RSF1: variants seen among roughly 807,000 people sequenced by gnomAD.
The protein encoded by RSF1 is HBV pX-associated protein 8.
RSF1 carries 13 observed loss-of-function variants against 145.2 expected under a neutral mutation model. That is an observed-to-expected ratio of 0.09 (90% CI 0.06 to 0.14). The LOEUF is 0.14. Ranked by LOEUF, RSF1 falls within the 10% of genes least tolerant of loss-of-function variation. RSF1 has a pLI of 1.00. For missense variants in RSF1, 1,517 were observed against 1,718.2 expected (o/e 0.88, Z 2.07); for synonymous variants, 577 against 592.6 (o/e 0.97, Z 0.38).
chr11:77,756,201 T>C (rs1380978870), intron 2 of RSF1, among the ~76,000 whole-genome samples: 1 of 151,634 alleles, frequency 6.6e-6, no homozygotes, highest in Non-Finnish European at 1.5e-5. Flanking sequence ...CAGCTAAAAA[T>C]ACAAAATTAG....
chr11:77,671,160 T>C (rs866248408), intron 15 of RSF1, among the ~76,000 whole-genome samples: 1 of 79,842 alleles, frequency 1.3e-5, no homozygotes, highest in Non-Finnish European at 2.1e-5. Flanking sequence ...TATATATATA[T>C]ATATATATAT....
chr11:77,796,587 G>C (rs1210004249), intron 1 of RSF1, among the ~76,000 whole-genome samples: 1 of 152,112 alleles, frequency 6.6e-6, no homozygotes, highest in Admixed American at 6.5e-5. Flanking sequence ...CATTCTCTTT[G>C]AAAACTGGCA....
chr11:77,815,609 C>T lies in RSF1; in HGVS notation c.187+4919G>A, dbSNP rs1489189274. 4.6e-5 allele frequency among the ~76,000 whole-genome samples: 7 copies of T among 152,086 alleles called. No homozygotes were observed. The South Asian group carries it at 8.3e-4, about 18-fold the overall frequency. ...GTTTACAACTGTAGACTAGAATGCACGGACTATTGCTCCACTTGATAAAAT... is the reference window on the plus strand; with the variant it reads ...GTTTACAACTGTAGACTAGAATGCATGGACTATTGCTCCACTTGATAAAAT... On this transcript the variant is annotated intron_variant, in intron 1 of 15. Coordinates refer to ENST00000308488, the MANE Select transcript of RSF1 (RefSeq NM_016578.4).
At chr11:77,783,840 T>G (rs1343677003) in intron 1 of RSF1, among the ~76,000 whole-genome samples, 1 of 151,004 alleles carries the variant, frequency 6.6e-6, no homozygotes, top group Non-Finnish European at 1.5e-5. Flanking sequence ...AGACCCGATT[T>G]CAAAAAAAAA....
At chr11:77,831,994 A>T in the RSF1 span, 32 of 150,132 alleles carry the variant, frequency 2.1e-4, 1 homozygote. Context: ...TACAGGCATG[A>T]GCCACCACGC....
the RSF1 span, among the ~76,000 whole-genome samples, chr11:77,856,737 C>A: frequency 9.2e-5 from 14 of 152,282 alleles, 1 homozygote; most frequent in Non-Finnish European, 1.5e-5. Flanking sequence ...AGATCTCACT[C>A]ACTATCATGA....
intron 14 of RSF1, 118 bp downstream of exon 14, chr11:77,674,917 TG>T: frequency 1.4e-6 from 1 of 736,394 alleles, no homozygotes. Context: ...GAGAATCGCT[TG>T]AACCCGGGAC....
the RSF1 span, chr11:77,872,224 G>A: frequency 1.5e-5 from 24 of 1,613,764 alleles, no homozygotes; most frequent in Middle Eastern, 1.7e-4. Context: ...ATTGATGTGC[G>A]GGTCCTCCAG....
chr11:77,835,044 C>T, the RSF1 span, among the ~76,000 whole-genome samples: 1 of 152,160 alleles, frequency 6.6e-6, no homozygotes, highest in African/African-American at 2.4e-5. Flanking sequence ...GAGACTAGTA[C>T]TTCCTTAATA....
chr11:77,701,586 T>C lies in RSF1; in HGVS notation c.1643A>G (p.Lys548Arg). The C allele has an allele frequency of 6.2e-7, 1 of 1,614,132 alleles. No homozygotes were observed. The highest frequency in any genetic ancestry group is 8.5e-7 in the Non-Finnish European group (1 of 1,180,012). The change falls in exon 6 of 16, where the codon AAA becomes AGA. Residue 548 changes from lysine (K) to arginine (R), a missense_variant. Around this residue, in one of 12 missense-constraint regions of RSF1, gnomAD observed 579 missense variants for 553.5 expected, o/e 1.05. Coordinates refer to ENST00000308488, the MANE Select transcript of RSF1 (RefSeq NM_016578.4). ...ETSLDSSEMA[K>R]DLSSKTALSS... is the part of the protein sequence containing the mutation. Reference sequence around the variant, plus strand: ...TAAAGCAGTTTTTGAAGAGAGATCTTTTGCCATCTCAGAAGAATCAAGAGA... The same window carrying C: ...TAAAGCAGTTTTTGAAGAGAGATCTCTTGCCATCTCAGAAGAATCAAGAGA...
intron 4 of RSF1, chr11:77,735,091 GC>G: frequency 1.1e-6 from 1 of 926,198 alleles, no homozygotes; most frequent in Non-Finnish European, 1.7e-6. Context: ...GGCGGCAGGG[GC>G]CTTGGGGCGG....
At chr11:77,744,774 G>A (rs565921619) in intron 3 of RSF1, among the ~76,000 whole-genome samples, 1 of 152,282 alleles carries the variant, frequency 6.6e-6, no homozygotes, top group South Asian at 2.1e-4. Flanking sequence ...TTCTTATAGT[G>A]TTTGTGTCCA....
chr11:77,802,700 C>G (rs895059906), intron 1 of RSF1, among the ~76,000 whole-genome samples: 3 of 152,030 alleles, frequency 2.0e-5, no homozygotes, highest in African/African-American at 7.2e-5. Context: ...CGCACCAGCA[C>G]GCCTGGCTAA....
chr11:77,664,341 T>C lies in RSF1; in HGVS notation c.*2576A>G, dbSNP rs933957597. Reference sequence around the variant, plus strand: ...GAGAAGGGGTACATTCACTATCAAGTTGACGAACACTTATTCAAGTTTGGT... The same window carrying C: ...GAGAAGGGGTACATTCACTATCAAGCTGACGAACACTTATTCAAGTTTGGT... On this transcript the variant is annotated 3_prime_UTR_variant, in exon 16 of 16. Transcript: ENST00000308488. 6.6e-6 allele frequency: 1 copy of C among 152,190 alleles called. No individual in the cohort carries two copies. 9.4% of individuals were successfully genotyped at this position (152,190 alleles called of 1,614,324 possible). A position where few individuals can be genotyped will look rare whatever the true frequency, so the allele number is the denominator to read the frequency against.
At chr11:77,844,752 A>G in the RSF1 span, among the ~76,000 whole-genome samples, 1 of 151,900 alleles carries the variant, frequency 6.6e-6, no homozygotes, top group Non-Finnish European at 1.5e-5. Flanking sequence ...TGTTTTGTTG[A>G]GTTCTTGGTT....
chr11:77,809,554 T>C (rs1241935900), intron 1 of RSF1, among the ~76,000 whole-genome samples: 4 of 152,100 alleles, frequency 2.6e-5, no homozygotes, highest in Non-Finnish European at 4.4e-5. Context: ...GGCAAAAAGA[T>C]AGCAAGGAGA....
At chr11:77,748,873 C>T (rs1294337829) in intron 2 of RSF1, among the ~76,000 whole-genome samples, 2 of 152,112 alleles carry the variant, frequency 1.3e-5, no homozygotes, top group African/African-American at 2.4e-5. Context: ...AAATGTTCCT[C>T]GCAGTATTAT....
chr11:77,693,771 T>TTATTTATG (rs1960215992), intron 7 of RSF1, among the ~76,000 whole-genome samples, 160 bp from the exon 8 acceptor site: 1 of 101,700 alleles, frequency 9.8e-6, no homozygotes. Flanking sequence ...TGACATTTAT[T>TTATTTATG]TATTTATTTA....
chr11:77,800,738 T>C (rs1220435254), intron 1 of RSF1, among the ~76,000 whole-genome samples: 1 of 152,088 alleles, frequency 6.6e-6, no homozygotes, highest in Non-Finnish European at 1.5e-5. Flanking sequence ...GGCAAACACC[T>C]GTACTCCCAG....
Sources: gnomAD v4.1 joint callset for allele counts (sites outside exome capture counted in the v4.1 genomes callset) on GRCh38, gnomAD v4.1.1 for gene constraint, gnomAD v4.1.1 regional missense constraint, MANE v1.5 for transcripts, NCBI Gene and HGNC (gene_info 2026-07-23, HGNC 2026-07-21) for gene names.